The following EPHA7 variants were observed in gnomAD, a reference collection of about 807,000 sequenced individuals.
EPHA7 encodes EPH receptor A7.
EPHA7 carries 25 observed loss-of-function variants against 112.6 expected under a neutral mutation model. The observed-to-expected ratio is 0.22, with a 90% confidence interval of 0.16 to 0.31. The LOEUF (loss-of-function observed/expected upper bound fraction) is 0.31. EPHA7 is among the 10% of genes least tolerant of loss of function. The probability of loss-of-function intolerance (pLI) is 1.00; values close to 1 mark genes in which losing one functional copy is unlikely to be tolerated. For synonymous variants in EPHA7, 437 were observed against 406.5 expected (o/e 1.07, Z -0.90); for missense variants, 962 against 1,212.6 (o/e 0.79, Z 3.07).
intron 5 of EPHA7, among the ~76,000 whole-genome samples, chr6:93,288,848 CT>C (rs746474906): frequency 6.6e-5 from 10 of 152,114 alleles, no homozygotes; most frequent in Non-Finnish European, 1.2e-4. Context: ...TAGCAAATAT[CT>C]TTTTATAACA....
In EPHA7 at chr6:93,410,673, A is replaced by G. The variant is rs2127994562; in HGVS notation, c.660T>C (p.Thr220=). 6.2e-7 allele frequency: 1 copy of G among 1,614,108 alleles called. No individual in the cohort carries two copies. Among genetic ancestry groups the G allele is most frequent in the African/African-American group, 1.3e-5 (1 of 75,056 alleles). Residue 220 remains threonine, a synonymous_variant, in exon 3 of 17, where the codon ACT becomes ACC. Transcript: ENST00000369303. This position sits in a 1 kb window ranked among gnomAD's most constrained non-coding sequence, Gnocchi z 4.0. ...ENLAIFPDTV[T]GSEFSSLVEV... ...CGACTAAAGAGGAAAATTCTGAACC[A>G]GTCACTGTATCTGGAAAGATAGCTA...
rs561291731 is a variant in EPHA7, at chr6:93,371,025, G to A, written c.833-12614C>T. Among the ~76,000 whole-genome samples, 6 of 151,502 alleles carry A rather than the reference G, an allele frequency of 4.0e-5. No individual in the cohort carries two copies. In the South Asian group the frequency reaches 1.2e-3, roughly 32 times the overall value. ...AAAAGAAAAAAAAACTTAGCCAGCC[G>A]TGGCGGCGGGAGCCTGTAGTCCCAG... On this transcript the variant is annotated intron_variant, in intron 3 of 16. Coordinates refer to ENST00000369303, the MANE Select transcript of EPHA7 (RefSeq NM_004440.4).
intron 5 of EPHA7, among the ~76,000 whole-genome samples, chr6:93,288,478 G>A (rs1772187054): frequency 6.6e-6 from 1 of 152,162 alleles, no homozygotes; most frequent in Non-Finnish European, 1.5e-5. Flanking sequence ...GGATTGTGGT[G>A]ATGCTTGCAC....
chr6:93,409,932 C>T (rs1195166700), intron 3 of EPHA7: 1 of 148,986 alleles, frequency 6.7e-6, no homozygotes, highest in Non-Finnish European at 1.5e-5. Flanking sequence ...AAAACACACA[C>T]CTTTCTCAGA....
intron 5 of EPHA7, among the ~76,000 whole-genome samples, chr6:93,319,439 T>A (rs1211489595): frequency 6.6e-6 from 1 of 152,034 alleles, no homozygotes; most frequent in Non-Finnish European, 1.5e-5. Context: ...GTAAAGAGAC[T>A]AGCATGCCTG....
chr6:93,332,180 G>C (rs1209305087), intron 5 of EPHA7, among the ~76,000 whole-genome samples: 1 of 151,508 alleles, frequency 6.6e-6, no homozygotes, highest in East Asian at 1.9e-4. Context: ...CAGCATCATG[G>C]CTAAGATTAA....
At chr6:93,257,409 T>C in intron 12 of EPHA7, 53 bp downstream of exon 12, 1 of 1,361,776 alleles carries the variant, frequency 7.3e-7, no homozygotes, top group Non-Finnish European at 1.0e-6. Context: ...CATAAAATTA[T>C]ATTGGTAGCA....
At chr6:93,404,209 G>A (rs1194433239) in intron 3 of EPHA7, among the ~76,000 whole-genome samples, 1 of 151,916 alleles carries the variant, frequency 6.6e-6, no homozygotes, top group African/African-American at 2.4e-5. Context: ...ACAATCTGAT[G>A]GCCATCTAAA....
At chr6:93,371,239 C>T (rs922913980) in intron 3 of EPHA7, among the ~76,000 whole-genome samples, 1 of 142,532 alleles carries the variant, frequency 7.0e-6, no homozygotes, top group African/African-American at 2.5e-5. Context: ...TTAACCCAAC[C>T]ATGGATAATA....
chr6:93,269,244 A>T (rs1771091978), intron 7 of EPHA7, among the ~76,000 whole-genome samples: 1 of 151,776 alleles, frequency 6.6e-6, no homozygotes, highest in Non-Finnish European at 1.5e-5. Flanking sequence ...TCAAAAAATA[A>T]ATCTTGTATG....
At chr6:93,315,157 TGGCC>T (rs1773750065) in intron 5 of EPHA7, among the ~76,000 whole-genome samples, 1 of 151,042 alleles carries the variant, frequency 6.6e-6, no homozygotes, top group African/African-American at 2.5e-5. Flanking sequence ...CCACCGCGCC[TGGCC>T]GACAATATAA....
chr6:93,419,410 C>G lies in EPHA7; in HGVS notation c.-69G>C. ...CGTGGATTTTTAAATGCTGTTTGTT[C>G]CGAAGTAGCTTTTGTTTTATTGTGC... is the stretch of plus-strand genomic sequence containing the variant. On this transcript the variant is annotated 5_prime_UTR_variant, in exon 1 of 17. Transcript: ENST00000369303. 1 of 1,312,398 alleles carries G rather than the reference C, an allele frequency of 7.6e-7. No homozygotes were observed. Among genetic ancestry groups the G allele is most frequent in the Non-Finnish European group, 1.1e-6 (1 of 917,196 alleles). 81.3% of individuals were successfully genotyped at this position (1,312,398 alleles called of 1,614,324 possible).
chr6:93,366,769 T>C (rs561698233), intron 3 of EPHA7, among the ~76,000 whole-genome samples: 2 of 152,326 alleles, frequency 1.3e-5, no homozygotes, highest in East Asian at 3.9e-4. Flanking sequence ...CACATTCATT[T>C]TGGTTCATGC....
intron 3 of EPHA7, among the ~76,000 whole-genome samples, chr6:93,396,638 A>C (rs1778187052): frequency 6.6e-6 from 1 of 151,930 alleles, no homozygotes; most frequent in Non-Finnish European, 1.5e-5. Flanking sequence ...GAATAGATTT[A>C]CATGTAACAC....
intron 5 of EPHA7, among the ~76,000 whole-genome samples, chr6:93,284,000 A>T (rs1426441615): frequency 6.6e-6 from 1 of 152,216 alleles, no homozygotes; most frequent in Non-Finnish European, 1.5e-5. Flanking sequence ...AAGCTGATAA[A>T]ATACAAAACA....
At chr6:93,247,478 A>C (rs1770005969) in intron 14 of EPHA7, among the ~76,000 whole-genome samples, 1 of 152,212 alleles carries the variant, frequency 6.6e-6, no homozygotes, top group Admixed American at 6.5e-5. Flanking sequence ...TCTTTTAAAT[A>C]ATATGAAGCT....
At chr6:93,367,391 T>C (rs1776568392) in intron 3 of EPHA7, among the ~76,000 whole-genome samples, 1 of 152,138 alleles carries the variant, frequency 6.6e-6, no homozygotes, top group Admixed American at 6.6e-5. Flanking sequence ...GAAAACCTAC[T>C]GAGAAAGGTC....
At chr6:93,308,901 A>G (rs968451239) in intron 5 of EPHA7, among the ~76,000 whole-genome samples, 2 of 151,958 alleles carry the variant, frequency 1.3e-5, no homozygotes, top group Admixed American at 6.6e-5. Flanking sequence ...CTATGTGTAG[A>G]TTTTAAAAGC....
intron 3 of EPHA7, among the ~76,000 whole-genome samples, chr6:93,367,747 A>G (rs1182986002): frequency 6.6e-6 from 1 of 152,146 alleles, no homozygotes; most frequent in Non-Finnish European, 1.5e-5. Context: ...TAATAAGACT[A>G]TCTTATAAGA....
Sources: gnomAD v4.1 joint callset for allele counts (sites outside exome capture counted in the v4.1 genomes callset) on GRCh38, gnomAD v4.1.1 for gene constraint, Gnocchi (gnomAD v3.1) non-coding constraint, MANE v1.5 for transcripts, NCBI Gene and HGNC (gene_info 2026-07-23, HGNC 2026-07-21) for gene names.